TTC17: variants seen among roughly 807,000 people sequenced by gnomAD.
TTC17 encodes the protein tetratricopeptide repeat protein 17.
TTC17 carries 58 observed loss-of-function variants against 143.8 expected under a neutral mutation model. The ratio of observed to expected loss-of-function variants is 0.40; its 90% CI spans 0.33 to 0.50. The LOEUF (loss-of-function observed/expected upper bound fraction) is 0.50. TTC17 is among the 20% of genes least tolerant of loss of function. The pLI, the probability that TTC17 is intolerant of heterozygous loss-of-function variation, is 0.49. For synonymous variants in TTC17, 501 were observed against 497.8 expected, an observed-to-expected ratio of 1.01 and a Z score of -0.09; for missense variants, 1,273 against 1,392.5, an observed-to-expected ratio of 0.91 and a Z score of 1.37.
chr11:43,483,734 T>G (rs1199185542), intron 21 of TTC17, among the ~76,000 whole-genome samples: 1 of 152,216 alleles, frequency 6.6e-6, no homozygotes, highest in Admixed American at 6.5e-5. Context: ...TCAAAGATGA[T>G]TCTTACTGAG....
At chr11:43,390,982 CTT>C (rs1857363274) in intron 3 of TTC17, among the ~76,000 whole-genome samples, 1 of 152,184 alleles carries the variant, frequency 6.6e-6, no homozygotes, top group African/African-American at 2.4e-5. Context: ...TGATTCTTGA[CTT>C]TAATTCAAAC....
intron 21 of TTC17, among the ~76,000 whole-genome samples, chr11:43,477,979 G>A (rs763275228): frequency 1.6e-4 from 24 of 152,284 alleles, no homozygotes; most frequent in Admixed American, 5.2e-4. Flanking sequence ...CACCCAGACA[G>A]TATGTGTGTA....
At chr11:43,449,939 G>A (rs941017949) in intron 19 of TTC17, 143 bp from the exon 20 acceptor site, 13 of 920,700 alleles carry the variant, frequency 1.4e-5, no homozygotes, top group Admixed American at 5.8e-5. Context: ...AACTTACTTC[G>A]TTTAAAATCA....
At chr11:43,389,548 A>C (rs763853937) in intron 2 of TTC17, 104 bp from the exon 3 acceptor site, 7 of 1,183,574 alleles carry the variant, frequency 5.9e-6, no homozygotes, top group Non-Finnish European at 8.1e-6. Context: ...GTCTTCCTAC[A>C]TAGAGGATTC....
At chr11:43,405,435 A>G (rs1466218751) in intron 11 of TTC17, 79 bp from the exon 12 acceptor site, 2 of 1,001,922 alleles carry the variant, frequency 2.0e-6, no homozygotes, top group African/African-American at 1.6e-5. Flanking sequence ...TTATTGTAGT[A>G]TATCATTTTA....
At chr11:43,397,324 G>T (rs1857634819) in intron 6 of TTC17, 23 bp from the exon 7 acceptor site, 1 of 1,593,230 alleles carries the variant, frequency 6.3e-7, no homozygotes. Context: ...ACATAATCAT[G>T]GAATATGTGC....
rs200625611 is a variant in TTC17, at chr11:43,397,327, A to G, written c.774-20A>G. ...TCAAGTGGTTCTACATAATCATGGA[A>G]TATGTGCTGCTTTCCTTAGGCACAA... On this transcript the variant is annotated intron_variant, in intron 6 of 23. Transcript: ENST00000039989. 3.1e-6 allele frequency: 5 copies of G among 1,598,708 alleles called. No homozygotes were observed. The East Asian group carries it at 6.7e-5, about 21-fold the overall frequency.
At chr11:43,454,443 A>C (rs1947723965) in intron 21 of TTC17, among the ~76,000 whole-genome samples, 1 of 152,184 alleles carries the variant, frequency 6.6e-6, no homozygotes. Flanking sequence ...ACACATGTAC[A>C]CATATTAAAC....
chr11:43,407,907 A>G (rs1486794394), intron 15 of TTC17, among the ~76,000 whole-genome samples: 1 of 152,058 alleles, frequency 6.6e-6, no homozygotes, highest in Non-Finnish European at 1.5e-5. Context: ...TACTCATCAC[A>G]GCATGCACAC....
chr11:43,380,941 G>A (rs73549423), intron 2 of TTC17, among the ~76,000 whole-genome samples: 14,066 of 151,970 alleles, frequency 0.093, 2,195 homozygotes, highest in African/African-American at 0.32. Context: ...ATTTAAACCC[G>A]GTGTTCAGAA....
intron 21 of TTC17, among the ~76,000 whole-genome samples, chr11:43,466,217 C>T (rs1201367061): frequency 1.3e-5 from 2 of 152,022 alleles, no homozygotes. Flanking sequence ...CAAATCAAAC[C>T]ACAACGAGAT....
chr11:43,399,349 T>C (rs1283661530), intron 8 of TTC17, among the ~76,000 whole-genome samples: 1 of 152,100 alleles, frequency 6.6e-6, no homozygotes, highest in East Asian at 1.9e-4. Flanking sequence ...ACCTGAAAAA[T>C]GCAATATACC....
At chr11:43,484,250 T>A (rs1380695999) in intron 21 of TTC17, among the ~76,000 whole-genome samples, 1 of 152,220 alleles carries the variant, frequency 6.6e-6, no homozygotes, top group Non-Finnish European at 1.5e-5. Flanking sequence ...ACTCCACAGT[T>A]TTTTAGAAAT....
At chr11:43,421,321 T>C (rs1946899890) in intron 16 of TTC17, among the ~76,000 whole-genome samples, 1 of 152,208 alleles carries the variant, frequency 6.6e-6, no homozygotes, top group Non-Finnish European at 1.5e-5. Context: ...GGGCTTTCCA[T>C]CTGTGGTGGA....
At chr11:43,416,512 C>T (rs935471790) in intron 16 of TTC17, among the ~76,000 whole-genome samples, 2 of 152,082 alleles carry the variant, frequency 1.3e-5, no homozygotes, top group East Asian at 3.9e-4. Flanking sequence ...ATACAGTTGT[C>T]TTGAACTTTT....
rs1948524840 is a variant in TTC17 at position 43,494,462 on chromosome 11, A to G, written c.*558A>G. On this transcript the variant is annotated 3_prime_UTR_variant, in exon 24 of 24. Transcript: ENST00000039989. ...GGTAGTTTGCAGGGGAGGAAGGGGAATATGATTTTAAAAACAAAATATTTA... is the reference window on the plus strand; with the variant it reads ...GGTAGTTTGCAGGGGAGGAAGGGGAGTATGATTTTAAAAACAAAATATTTA... 6.6e-6 allele frequency: 1 copy of G among 152,146 alleles called. No homozygotes were observed. Among genetic ancestry groups the G allele is most frequent in the East Asian group, 1.9e-4 (1 of 5,192 alleles). The allele number at this position is 152,146 out of a possible 1,614,324, so 9.4% of individuals were successfully genotyped here. A position where few individuals can be genotyped will look rare whatever the true frequency, so the allele number is the denominator to read the frequency against.
At chr11:43,395,799 G>C (rs1003169735) in intron 5 of TTC17, among the ~76,000 whole-genome samples, 40 of 152,174 alleles carry the variant, frequency 2.6e-4, no homozygotes, top group African/African-American at 9.6e-4. Flanking sequence ...TTGTGAAAGA[G>C]TCACTGAAAA....
intron 21 of TTC17, among the ~76,000 whole-genome samples, chr11:43,483,978 C>T (rs182861023): frequency 5.9e-5 from 9 of 152,212 alleles, no homozygotes; most frequent in African/African-American, 1.2e-4. Context: ...CTCCTCCCTA[C>T]TAAAAATGCA....
chr11:43,391,869 G>A lies in TTC17; in HGVS notation c.580G>A (p.Asp194Asn). 6.2e-7 allele frequency: 1 copy of A among 1,613,910 alleles called. No homozygotes were observed. Among genetic ancestry groups the A allele is most frequent in the Non-Finnish European group, 8.5e-7 (1 of 1,179,952 alleles). Residue 194 changes from aspartate (D) to asparagine (N), a missense_variant, in exon 5 of 24, where the codon GAC becomes AAC. By Grantham distance (23) the Asp-to-Asn change is conservative. Transcript: ENST00000039989. The part of the protein sequence containing the change: ...NLSAPLLPKE[D>N]PIFTYLSKRL... ...TTCTGCACCTCTGCTACCTAAAGAA[G>A]ACCCAATCTTCACATATTTATCTAA...
Sources: gnomAD v4.1 joint callset for allele counts (sites outside exome capture counted in the v4.1 genomes callset) on GRCh38, gnomAD v4.1.1 for gene constraint, MANE v1.5 for transcripts, NCBI Gene and HGNC (gene_info 2026-07-23, HGNC 2026-07-21) for gene names.